Variants in HIF3A observed in about 807,000 individuals in gnomAD.
HIF3A encodes the protein hypoxia-inducible factor 3-alpha.
Under a neutral mutation model 67.2 loss-of-function variants are expected in HIF3A, and 41 were observed. That is an observed-to-expected ratio of 0.61 (90% CI 0.48 to 0.79). The LOEUF is 0.79. HIF3A is among the 30% of genes least tolerant of loss of function. The pLI is 0.00. For synonymous variants in HIF3A, 356 were observed against 374.8 expected (o/e 0.95, Z 0.58); for missense variants, 855 against 898.0 (o/e 0.95, Z 0.61).
At chr19:46,302,892 G>T (rs1340125630) in intron 1 of HIF3A, among the ~76,000 whole-genome samples, 1 of 152,184 alleles carries the variant, frequency 6.6e-6, no homozygotes, top group Admixed American at 6.5e-5. Context: ...AGAAAGAAAA[G>T]AAAAGAGAAA....
At chr19:46,331,321 G>A in intron 13 of HIF3A, 48 bp downstream of exon 13, 1 of 1,462,034 alleles carries the variant, frequency 6.8e-7, no homozygotes, top group Non-Finnish European at 9.6e-7. Flanking sequence ...TACCTAGCTG[G>A]CTTAAACCTA....
rs367570195 is a variant in HIF3A at position 46,304,019 on chromosome 19, C to T, written c.148C>T (p.His50Tyr). Residue 50 changes from histidine (H) to tyrosine (Y), a missense_variant, in exon 2 of 15, where the codon CAC (histidine) becomes TAC (tyrosine). His to Tyr is a moderately conservative substitution (Grantham distance 83, BLOSUM62 2). Transcript: ENST00000377670. ...GCCCTTCGCCCGCGGCGTCAGCGCC[C>T]ACCTGGACAAGGCCTCTATCATGCG... ...TLPFARGVSA[H>Y]LDKASIMRLT... 15 of 1,593,256 alleles carry T rather than the reference C, an allele frequency of 9.4e-6. No homozygotes were observed. In the African/African-American group the frequency reaches 1.5e-4, roughly 16 times the overall value.
intron 1 of HIF3A, among the ~76,000 whole-genome samples, chr19:46,303,272 G>A (rs1968496033): frequency 6.6e-6 from 1 of 152,264 alleles, no homozygotes; most frequent in African/African-American, 2.4e-5. Flanking sequence ...GTAGGTATCT[G>A]AAGTGGATTA....
chr19:46,339,497 A>G, intron 14 of HIF3A, 28 bp from the exon 15 acceptor site: 1 of 1,423,578 alleles, frequency 7.0e-7, no homozygotes, highest in Non-Finnish European at 9.6e-7. Context: ...TTTACCTTTC[A>G]TTTATCATTT....
chr19:46,326,288 A>G (rs762889321), intron 11 of HIF3A, among the ~76,000 whole-genome samples: 5 of 152,200 alleles, frequency 3.3e-5, no homozygotes, highest in Non-Finnish European at 7.3e-5. Context: ...CCTAAGGCAA[A>G]CAATCCAACA....
chr19:46,336,003 T>C (rs1338846585), intron 14 of HIF3A, among the ~76,000 whole-genome samples: 1 of 151,776 alleles, frequency 6.6e-6, no homozygotes, highest in Non-Finnish European at 1.5e-5. Flanking sequence ...ACTGCACCAC[T>C]GTACTCCAAC....
At chr19:46,315,734 C>T (rs773469209) in intron 8 of HIF3A, among the ~76,000 whole-genome samples, 3 of 150,124 alleles carry the variant, frequency 2.0e-5, no homozygotes, top group African/African-American at 4.9e-5. Flanking sequence ...GCCAACATGG[C>T]GAAACACCGT....
rs762528091 is a variant in HIF3A at position 46,312,244 on chromosome 19, C to T, written c.854C>T (p.Ala285Val). 11 of 1,613,824 alleles carry T rather than the reference C, an allele frequency of 6.8e-6. No individual in the cohort carries two copies. Among genetic ancestry groups the T allele is most frequent in the African/African-American group, 5.3e-5 (4 of 74,852 alleles). Residue 285 changes from alanine (A) to valine (V), a missense_variant, in exon 7 of 15, where the codon GCG becomes GTG. Around this residue, in one of 3 missense-constraint regions of HIF3A, gnomAD observed 638 missense variants for 660.5 expected, o/e 0.97. Transcript: ENST00000377670. Reference sequence around the variant, plus strand: ...TACATCCACGCGCTGGACTCCGATGCGGTCAGCAAGAGCATCCACACCTGT... The same window carrying T: ...TACATCCACGCGCTGGACTCCGATGTGGTCAGCAAGAGCATCCACACCTGT... Reference protein sequence around the residue: ...YEYIHALDSDAVSKSIHTLLS... With the variant: ...YEYIHALDSDVVSKSIHTLLS...
chr19:46,330,299 C>T (rs1157284089), intron 12 of HIF3A, among the ~76,000 whole-genome samples: 1 of 151,478 alleles, frequency 6.6e-6, no homozygotes, highest in Non-Finnish European at 1.5e-5. Context: ...ATGCATAGGT[C>T]GATGGAAGGA....
At chr19:46,312,006 C>T (rs977832732) in intron 6 of HIF3A, 155 bp from the exon 7 acceptor site, 3 of 772,326 alleles carry the variant, frequency 3.9e-6, no homozygotes, top group South Asian at 2.7e-5. Flanking sequence ...CACCACACTC[C>T]TCTTGTTCTG....
At chr19:46,312,702 T>G (rs1263131606) in intron 8 of HIF3A, 49 bp downstream of exon 8, 5 of 1,474,492 alleles carry the variant, frequency 3.4e-6, no homozygotes, top group Non-Finnish European at 4.5e-6. Context: ...CTGATCTGCA[T>G]GTGTGGACAG....
rs1379214613 is a variant in HIF3A, at chr19:46,308,645, G to A, written c.449-18G>A. The A allele has an allele frequency of 6.6e-7, 1 of 1,514,218 alleles. No homozygotes were observed. Among genetic ancestry groups the A allele is most frequent in the Non-Finnish European group, 9.0e-7 (1 of 1,107,730 alleles). The allele number at this position is 1,514,218 out of a possible 1,614,324, so 93.8% of individuals were successfully genotyped here. On this transcript the variant is annotated intron_variant, in intron 4 of 14. Coordinates refer to ENST00000377670, the MANE Select transcript of HIF3A (RefSeq NM_152795.4). ...TGTAGCTGCCTGTGACCTCCCCGCT[G>A]CCCCCGGGCCTCCCCAGCCCTGTCC...
chr19:46,307,700 A>C (rs1382050636), intron 3 of HIF3A, among the ~76,000 whole-genome samples: 2 of 151,184 alleles, frequency 1.3e-5, no homozygotes, highest in Non-Finnish European at 2.9e-5. Flanking sequence ...GTGAGCTGAG[A>C]TCGCACCACT....
chr19:46,323,851 C>A (rs1970567109), intron 10 of HIF3A, among the ~76,000 whole-genome samples: 1 of 152,146 alleles, frequency 6.6e-6, no homozygotes, highest in Admixed American at 6.6e-5. Context: ...GACTTATTCA[C>A]TATCACGAGG....
At position 46,297,831 on chromosome 19, in the gene HIF3A, C is replaced by T. The variant is rs114486030; in HGVS notation, c.26+729C>T. Among the ~76,000 whole-genome samples the T allele has an allele frequency of 5.7e-3, 867 of 152,152 alleles. 10 individuals carry two copies. The highest frequency in any genetic ancestry group is 0.02 in the African/African-American group (811 of 41,518). On this transcript the variant is annotated intron_variant, in intron 1 of 14. Transcript: ENST00000377670. This position sits in a 1 kb window ranked among gnomAD's most constrained non-coding sequence, Gnocchi z 4.5. ...AGTCCAGCCCCTCATCTCACCCCTG[C>T]ACCCCCATCCTGAGAGACAGGGGAG...
In HIF3A at chr19:46,321,813, G is replaced by A. The variant is rs369014118; in HGVS notation, c.1182G>A (p.Pro394=). The change falls in exon 10 of 15, where the codon CCG becomes CCA. Residue 394 remains proline (P), a synonymous_variant. Transcript: ENST00000377670. The part of the protein sequence containing the change: ...PGPRILAFLH[P]PSLSEAALAA... ...CCCGGATCCTTGCCTTCCTGCACCC[G>A]CCTTCCCTGAGCGAGGCTGCCCTGG... 26 of 1,613,700 alleles carry A rather than the reference G, an allele frequency of 1.6e-5. No homozygotes were observed. Among genetic ancestry groups the A allele is most frequent in the Middle Eastern group, 1.7e-4 (1 of 6,060 alleles).
At chr19:46,309,611 C>T (rs182978674) in intron 6 of HIF3A, among the ~76,000 whole-genome samples, 2 of 152,190 alleles carry the variant, frequency 1.3e-5, no homozygotes, top group African/African-American at 2.4e-5. Context: ...CCTCCCACTT[C>T]GGCCTCCCAA....
At chr19:46,324,972 A>G (rs1970662400) in intron 10 of HIF3A, among the ~76,000 whole-genome samples, 1 of 137,274 alleles carries the variant, frequency 7.3e-6, no homozygotes, top group East Asian at 2.2e-4. Context: ...ATACACACAC[A>G]CACACACATA....
intron 14 of HIF3A, among the ~76,000 whole-genome samples, chr19:46,337,860 A>G (rs1046837099): frequency 6.6e-6 from 1 of 152,208 alleles, no homozygotes; most frequent in African/African-American, 2.4e-5. Context: ...CCTTTGTGTC[A>G]TAATTTGATG....
Sources: gnomAD v4.1 joint callset for allele counts (sites outside exome capture counted in the v4.1 genomes callset) on GRCh38, gnomAD v4.1.1 for gene constraint, gnomAD v4.1.1 regional missense constraint, Gnocchi (gnomAD v3.1) non-coding constraint, MANE v1.5 for transcripts, NCBI Gene and HGNC (gene_info 2026-07-23, HGNC 2026-07-21) for gene names.